Variants in MBD5 observed in about 807,000 individuals in gnomAD.
MBD5 encodes methyl-CpG-binding domain protein 5.
In MBD5, 13 loss-of-function variants were observed where a neutral mutation model predicts 117.3. The ratio of observed to expected loss-of-function variants is 0.11; its 90% confidence interval spans 0.07 to 0.18. The LOEUF (loss-of-function observed/expected upper bound fraction) is 0.18, where lower values mean the gene tolerates loss of function less well. Ranked by LOEUF, MBD5 falls within the 10% of genes least tolerant of loss-of-function variation. The pLI is 1.00. For missense variants in MBD5, 1,879 were observed against 2,093.8 expected, an observed-to-expected ratio of 0.90 and a Z score of 2.00; for synonymous variants, 727 against 766.4, an observed-to-expected ratio of 0.95 and a Z score of 0.85.
intron 4 of MBD5, among the ~76,000 whole-genome samples, chr2:148,412,659 T>C (rs1705298088): frequency 6.6e-6 from 1 of 152,070 alleles, no homozygotes; most frequent in African/African-American, 2.4e-5. Context: ...GTTCTCCTTG[T>C]AGAGATCTTT....
rs1011647738 is a variant in MBD5 at position 148,470,552 on chromosome 2, A to G, written c.2518+91A>G. On this transcript the variant is annotated intron_variant, in intron 8 of 13. Coordinates refer to ENST00000642680, the MANE Select transcript of MBD5 (RefSeq NM_001378120.1). ...ACCAAAATATTTATTATGATAAGAA[A>G]TGATCCTTTCCCCATTGTGAAATTC... 5 of 1,009,422 alleles carry G rather than the reference A, an allele frequency of 5.0e-6. No individual in the cohort carries two copies. In the African/African-American group the frequency reaches 8.2e-5, roughly 16 times the overall value. 62.5% of individuals were successfully genotyped at this position (1,009,422 alleles called of 1,614,324 possible).
At chr2:148,360,245 A>G (rs894081340) in intron 4 of MBD5, among the ~76,000 whole-genome samples, 2 of 152,130 alleles carry the variant, frequency 1.3e-5, no homozygotes, top group Non-Finnish European at 1.5e-5. Flanking sequence ...CTTTATTATA[A>G]GTGGAAGCTG....
At chr2:148,236,003 T>G (rs1163492949) in intron 3 of MBD5, among the ~76,000 whole-genome samples, 1 of 152,094 alleles carries the variant, frequency 6.6e-6, no homozygotes, top group Non-Finnish European at 1.5e-5. Context: ...TTTGCCATGT[T>G]GCCCAGGCTG....
chr2:148,179,818 G>C (rs765801476), intron 2 of MBD5, among the ~76,000 whole-genome samples: 2 of 152,236 alleles, frequency 1.3e-5, no homozygotes, highest in East Asian at 3.9e-4. Flanking sequence ...ACCTGTAAAC[G>C]GGATGCTCCT....
intron 4 of MBD5, among the ~76,000 whole-genome samples, chr2:148,397,542 T>G (rs1356049684): frequency 6.6e-6 from 1 of 152,012 alleles, no homozygotes; most frequent in Non-Finnish European, 1.5e-5. Flanking sequence ...TGTTAGCCAG[T>G]ATGGTCTCGA....
rs559835702 is a variant in MBD5 at position 148,419,351 on chromosome 2, G to A, written c.-556-38852G>A. On this transcript the variant is annotated intron_variant, in intron 4 of 13. Transcript: ENST00000642680. Reference sequence around the variant, plus strand: ...TTTTTATATCTTTTAGAAGGCCATCGTAAATATGACACAAATACACAAATT... The same window carrying A: ...TTTTTATATCTTTTAGAAGGCCATCATAAATATGACACAAATACACAAATT... Among the ~76,000 whole-genome samples, 13 of 152,212 alleles carry A rather than the reference G, an allele frequency of 8.5e-5. No homozygotes were observed. The South Asian group carries it at 1.2e-3, about 15-fold the overall frequency.
In MBD5 at chr2:148,129,387, C is replaced by T. The variant is rs541791234; in HGVS notation, c.-924-49313C>T. Among the ~76,000 whole-genome samples the T allele has an allele frequency of 6.6e-5, 10 of 152,012 alleles. No homozygotes were observed. The South Asian group carries it at 2.1e-3, about 32-fold the overall frequency. ...ATGTGTGCCTGTAATCTCAACTACT[C>T]GGGAGGCTGAGGCAGGAGTAATCAC... On this transcript the variant is annotated intron_variant, in intron 1 of 13. Transcript: ENST00000642680.
chr2:148,483,113 G>A lies in MBD5; in HGVS notation c.2522G>A (p.Gly841Asp), dbSNP rs756065878. 2.0e-5 allele frequency: 32 copies of A among 1,607,862 alleles called. No homozygotes were observed. The highest frequency in any genetic ancestry group is 3.3e-4 in the Middle Eastern group (2 of 6,076). The change falls in exon 9 of 14, where the codon GGT becomes GAT. Residue 841 changes from glycine to aspartate, a missense_variant. By Grantham distance (94) the Gly-to-Asp change is moderately conservative. This residue lies in a region of MBD5 where 1,666 missense variants were observed against 1,792.2 expected (regional missense o/e 0.93). Coordinates refer to ENST00000642680, the MANE Select transcript of MBD5 (RefSeq NM_001378120.1). The part of the protein sequence containing the change: ...SYNQTSSEAG[G>D]SGPSSSIAIA... Reference sequence around the variant, plus strand: ...GTTTTTTTTTTTTTCATTTTAGGCGGTTCAGGACCATCATCCTCCATAGCC... The same window carrying A: ...GTTTTTTTTTTTTTCATTTTAGGCGATTCAGGACCATCATCCTCCATAGCC...
chr2:148,330,042 C>G lies in MBD5; in HGVS notation c.-679-12172C>G, dbSNP rs867416201. On this transcript the variant is annotated intron_variant, in intron 3 of 13. Transcript: ENST00000642680. Reference sequence around the variant, plus strand: ...TTGGTTGTAGGTAAGAACCCCCCCCCGCCCCCCCCACACACACACACACAC... The same window carrying G: ...TTGGTTGTAGGTAAGAACCCCCCCCGGCCCCCCCCACACACACACACACAC... Among the ~76,000 whole-genome samples, 105 of 17,416 alleles carry G rather than the reference C, an allele frequency of 6.0e-3. 4 individuals carry two copies. The highest frequency in any genetic ancestry group is 0.018 in the African/African-American group (101 of 5,516). 11.4% of individuals were successfully genotyped at this position (17,416 alleles called of 152,430 possible). A position where few individuals can be genotyped will look rare whatever the true frequency, so the allele number is the denominator to read the frequency against.
chr2:148,475,446 G>A (rs922912617), intron 8 of MBD5, among the ~76,000 whole-genome samples: 3 of 151,400 alleles, frequency 2.0e-5, no homozygotes, highest in African/African-American at 2.4e-5. Context: ...CAGGTTTAAC[G>A]TTTCCTTGTA....
intron 1 of MBD5, among the ~76,000 whole-genome samples, chr2:148,154,753 G>A (rs549178021): frequency 9.9e-5 from 15 of 152,240 alleles, no homozygotes; most frequent in South Asian, 2.1e-4. Context: ...GACCCCTTGC[G>A]CTTCCCAAGT....
At chr2:148,030,455 C>T (rs899726129) in intron 1 of MBD5, among the ~76,000 whole-genome samples, 7 of 152,026 alleles carry the variant, frequency 4.6e-5, no homozygotes, top group Admixed American at 4.6e-4. Flanking sequence ...AAAAAATGGA[C>T]AGAATAATAA....
intron 3 of MBD5, chr2:148,296,017 C>T (rs929592206): frequency 3.6e-5 from 6 of 165,558 alleles, no homozygotes. Flanking sequence ...GCTAAAAACC[C>T]TTAAACAGTG....
chr2:148,446,073 T>G (rs1437508499), intron 4 of MBD5, among the ~76,000 whole-genome samples: 3 of 150,974 alleles, frequency 2.0e-5, no homozygotes, highest in African/African-American at 7.4e-5. Flanking sequence ...TTTCTCCCAT[T>G]CTGTAGGTTG....
intron 10 of MBD5, among the ~76,000 whole-genome samples, chr2:148,488,966 G>C (rs767056975): frequency 9.2e-5 from 14 of 152,126 alleles, no homozygotes; most frequent in Non-Finnish European, 1.3e-4. Context: ...ACATCAGTGA[G>C]TTAGAAATCA....
At chr2:148,099,581 A>G (rs1051068149) in intron 1 of MBD5, among the ~76,000 whole-genome samples, 1 of 152,162 alleles carries the variant, frequency 6.6e-6, no homozygotes, top group African/African-American at 2.4e-5. Flanking sequence ...AAGAAAAGTG[A>G]GAGAAAGTGT....
chr2:148,424,177 CAAAAAA>C (rs56740583), intron 4 of MBD5, among the ~76,000 whole-genome samples: 5 of 53,454 alleles, frequency 9.4e-5, no homozygotes, highest in Admixed American at 2.0e-4. Flanking sequence ...GACTCTGTCT[CAAAAAA>C]AAAAAAAAAA....
chr2:148,149,760 G>A lies in MBD5; in HGVS notation c.-924-28940G>A, dbSNP rs201311771. Among the ~76,000 whole-genome samples the A allele has an allele frequency of 5.7e-3, 868 of 152,160 alleles. 11 individuals carry two copies. Among genetic ancestry groups the A allele is most frequent in the African/African-American group, 0.02 (818 of 41,492 alleles). ...CTTCTTTTGAGAAGTGTCTGTTCAT[G>A]TCCTTCACCCACTTTTTGATGGGGT... On this transcript the variant is annotated intron_variant, in intron 1 of 13. Transcript: ENST00000642680.
chr2:148,504,084 G>C (rs896324438), intron 12 of MBD5, among the ~76,000 whole-genome samples: 4 of 152,100 alleles, frequency 2.6e-5, no homozygotes, highest in Non-Finnish European at 2.9e-5. Flanking sequence ...ATTTCTGAAA[G>C]GTAATGAAAA....
Sources: gnomAD v4.1 joint callset for allele counts (sites outside exome capture counted in the v4.1 genomes callset) on GRCh38, gnomAD v4.1.1 for gene constraint, gnomAD v4.1.1 regional missense constraint, MANE v1.5 for transcripts, NCBI Gene and HGNC (gene_info 2026-07-23, HGNC 2026-07-21) for gene names.